MAP3K1: variants seen among roughly 807,000 people sequenced by gnomAD.
MAP3K1 encodes MAP/ERK kinase kinase 1.
Under a neutral mutation model 144.2 loss-of-function variants are expected in MAP3K1, and 36 were observed. That is an observed-to-expected ratio of 0.25 (90% CI 0.19 to 0.33). MAP3K1 has a LOEUF of 0.33. MAP3K1 is among the 10% of genes least tolerant of loss of function. MAP3K1 has a pLI of 1.00. For synonymous variants in MAP3K1, 718 were observed against 688.7 expected, an observed-to-expected ratio of 1.04 and a Z score of -0.67; for missense variants, 1,650 against 1,881.9, an observed-to-expected ratio of 0.88 and a Z score of 2.28.
rs757041981 is a variant in MAP3K1, at chr5:56,882,910, T to G, written c.3666+44T>G. On this transcript the variant is annotated intron_variant, in intron 14 of 19. Coordinates refer to ENST00000399503, the MANE Select transcript of MAP3K1 (RefSeq NM_005921.2). ...AGAGGTTAGAAAACTTCCTTGGGGC[T>G]GGGCACAGTGACTCATACCTGGAAT... 4 of 1,465,772 alleles carry G rather than the reference T, an allele frequency of 2.7e-6. No homozygotes were observed. The South Asian group carries it at 4.6e-5, about 17-fold the overall frequency. The allele number at this position is 1,465,772 out of a possible 1,614,324, so 90.8% of individuals were successfully genotyped here.
intron 1 of MAP3K1, among the ~76,000 whole-genome samples, chr5:56,836,567 C>T (rs1318964748): frequency 2.6e-5 from 4 of 152,042 alleles, no homozygotes; most frequent in African/African-American, 7.3e-5. Flanking sequence ...GGCATTTGTG[C>T]GGTTTATCTT....
chr5:56,851,284 G>A (rs1455938371), intron 1 of MAP3K1, among the ~76,000 whole-genome samples: 1 of 152,148 alleles, frequency 6.6e-6, no homozygotes, highest in Non-Finnish European at 1.5e-5. Flanking sequence ...TGTCCCCTGT[G>A]TGCCAGGCAT....
chr5:56,836,801 G>A (rs536013175), intron 1 of MAP3K1, among the ~76,000 whole-genome samples: 23 of 152,234 alleles, frequency 1.5e-4, no homozygotes, highest in Admixed American at 2.6e-4. Context: ...AGGAGTGTCT[G>A]TGCAGACTGT....
intron 1 of MAP3K1, 138 bp downstream of exon 1, chr5:56,816,193 G>C (rs1581199661): frequency 3.3e-6 from 3 of 914,756 alleles, no homozygotes; most frequent in African/African-American, 3.5e-5. Flanking sequence ...CTACGCCCCT[G>C]AGCACCCCCC....
rs7731700 is a variant in MAP3K1, at chr5:56,816,100, C to T, written c.482+45C>T. 0.69 allele frequency: 826,428 copies of T among 1,195,802 alleles called. 291,058 individuals carry two copies. Among genetic ancestry groups the T allele is most frequent in the Non-Finnish European group, 0.72 (698,302 of 965,132 alleles). The allele number at this position is 1,195,802 out of a possible 1,614,324, so 74.1% of individuals were successfully genotyped here. ...TCGCGGCGGGGACTTGGAGAGCGGG[C>T]AGAGGGCAATGAATGAACCCCGGGC... On this transcript the variant is annotated intron_variant, in intron 1 of 19. Transcript: ENST00000399503.
intron 12 of MAP3K1, 41 bp downstream of exon 12, chr5:56,880,843 C>G (rs1300048090): frequency 1.3e-6 from 2 of 1,492,914 alleles, no homozygotes; most frequent in Non-Finnish European, 1.9e-6. Context: ...CATATTTTAT[C>G]ATGTTCCTGA....
chr5:56,839,815 A>C (rs2111810309), intron 1 of MAP3K1, among the ~76,000 whole-genome samples: 1 of 152,330 alleles, frequency 6.6e-6, no homozygotes, highest in East Asian at 1.9e-4. Flanking sequence ...CATCCTACCC[A>C]GGGCTAGTTC....
At chr5:56,872,804 T>C (rs1747895805) in intron 8 of MAP3K1, 21 bp from the exon 9 acceptor site, 3 of 1,613,776 alleles carry the variant, frequency 1.9e-6, no homozygotes, top group African/African-American at 2.7e-5. Context: ...TTAAAGCAAG[T>C]TTTGTTATTT....
At chr5:56,848,996 A>G (rs1747083090) in intron 1 of MAP3K1, among the ~76,000 whole-genome samples, 1 of 152,224 alleles carries the variant, frequency 6.6e-6, no homozygotes, top group South Asian at 2.1e-4. Context: ...TTTGCACACA[A>G]TACTTAAAAT....
chr5:56,837,494 T>TAC (rs1746689257), intron 1 of MAP3K1, among the ~76,000 whole-genome samples: 1 of 152,166 alleles, frequency 6.6e-6, no homozygotes, highest in Non-Finnish European at 1.5e-5. Flanking sequence ...ATACTTGGCA[T>TAC]ACACAAAGGC....
chr5:56,872,132 G>A (rs1747871883), intron 7 of MAP3K1, 101 bp downstream of exon 7: 1 of 1,488,448 alleles, frequency 6.7e-7, no homozygotes, highest in African/African-American at 1.4e-5. Context: ...AAATTGGTGA[G>A]AGAATAAAAA....
intron 17 of MAP3K1, 77 bp from the exon 18 acceptor site, chr5:56,887,301 T>G (rs1579785106): frequency 7.5e-7 from 1 of 1,334,974 alleles, no homozygotes; most frequent in East Asian, 2.3e-5. Flanking sequence ...TCCTAGTTCA[T>G]TAGTATTGTA....
chr5:56,842,188 A>T (rs771444567), intron 1 of MAP3K1: 1 of 152,194 alleles, frequency 6.6e-6, no homozygotes, highest in African/African-American at 2.4e-5. Flanking sequence ...CATATTCTAG[A>T]TGTTGCTAGT....
At chr5:56,853,119 C>A (rs1286774069) in intron 1 of MAP3K1, among the ~76,000 whole-genome samples, 1 of 151,934 alleles carries the variant, frequency 6.6e-6, no homozygotes, top group African/African-American at 2.4e-5. Flanking sequence ...TTCAAAGATC[C>A]CAGTGGTTGT....
intron 6 of MAP3K1, among the ~76,000 whole-genome samples, chr5:56,870,271 A>G (rs544369843): frequency 6.6e-6 from 1 of 152,316 alleles, no homozygotes; most frequent in African/African-American, 2.4e-5. Flanking sequence ...CTTCTCAGAT[A>G]AAAGTGTAAT....
intron 19 of MAP3K1, among the ~76,000 whole-genome samples, chr5:56,890,074 G>A (rs1748503945): frequency 6.6e-6 from 1 of 151,984 alleles, no homozygotes; most frequent in African/African-American, 2.4e-5. Flanking sequence ...TAGCATTTTA[G>A]TACATACTTG....
chr5:56,874,970 C>G lies in MAP3K1; in HGVS notation c.1687-62C>G. Reference sequence around the variant, plus strand: ...TAGTAATCAAAAATGATGCTAAACTCAAAATGCTCTGGGTCCATAAGCTTT... The same window carrying G: ...TAGTAATCAAAAATGATGCTAAACTGAAAATGCTCTGGGTCCATAAGCTTT... On this transcript the variant is annotated intron_variant, in intron 9 of 19. Coordinates refer to ENST00000399503, the MANE Select transcript of MAP3K1 (RefSeq NM_005921.2). 5 of 1,562,156 alleles carry G rather than the reference C, an allele frequency of 3.2e-6. No individual in the cohort carries two copies. In the South Asian group the frequency reaches 5.6e-5, roughly 17 times the overall value.
At chr5:56,886,266 A>T (rs965788586) in intron 17 of MAP3K1, among the ~76,000 whole-genome samples, 2 of 152,082 alleles carry the variant, frequency 1.3e-5, no homozygotes, top group Non-Finnish European at 1.5e-5. Context: ...TAACAGGGTA[A>T]GGTGGCGCAT....
At chr5:56,827,002 G>A (rs902992029) in intron 1 of MAP3K1, among the ~76,000 whole-genome samples, 5 of 152,204 alleles carry the variant, frequency 3.3e-5, no homozygotes, top group Admixed American at 1.3e-4. Context: ...GTGAGGTGGA[G>A]CACCAAGCCA....
Sources: gnomAD v4.1 joint callset for allele counts (sites outside exome capture counted in the v4.1 genomes callset) on GRCh38, gnomAD v4.1.1 for gene constraint, MANE v1.5 for transcripts, NCBI Gene and HGNC (gene_info 2026-07-23, HGNC 2026-07-21) for gene names.